MACROD2: variants seen among roughly 807,000 people sequenced by gnomAD.
The protein encoded by MACROD2 is ADP-ribose glycohydrolase MACROD2.
A neutral mutation model predicts 70.4 loss-of-function variants in MACROD2; 36 were observed. That is an observed-to-expected ratio of 0.51 (90% CI 0.39 to 0.68). The LOEUF is 0.68. Ranked by LOEUF, MACROD2 falls within the 30% of genes least tolerant of loss-of-function variation. The pLI is 0.00. For synonymous variants in MACROD2, 172 were observed against 178.8 expected (o/e 0.96, Z 0.30); for missense variants, 496 against 538.4 (o/e 0.92, Z 0.78).
chr20:15,514,151 A>G (rs2047536372), intron 8 of MACROD2, among the ~76,000 whole-genome samples: 2 of 152,260 alleles, frequency 1.3e-5, no homozygotes, highest in South Asian at 4.1e-4. Flanking sequence ...TAAAAAATAC[A>G]ATAAGTTAAA....
intron 7 of MACROD2, among the ~76,000 whole-genome samples, chr20:15,497,901 A>G (rs189386246): frequency 6.6e-6 from 1 of 152,210 alleles, no homozygotes; most frequent in African/African-American, 2.4e-5. Context: ...GAGGACAGGG[A>G]CTCATTAAAA....
intron 2 of MACROD2, among the ~76,000 whole-genome samples, chr20:14,017,122 T>C (rs1284654699): frequency 6.6e-6 from 1 of 152,146 alleles, no homozygotes; most frequent in Non-Finnish European, 1.5e-5. Flanking sequence ...AATTGAATTG[T>C]TTTCTTAATT....
intron 4 of MACROD2, among the ~76,000 whole-genome samples, chr20:14,649,185 T>G (rs1225274179): frequency 2.0e-5 from 3 of 152,180 alleles, no homozygotes; most frequent in Non-Finnish European, 4.4e-5. Flanking sequence ...GCCATTTGTG[T>G]TTCTGTATCC....
At chr20:15,849,706 CT>C in intron 8 of MACROD2, among the ~76,000 whole-genome samples, 1 of 152,198 alleles carries the variant, frequency 6.6e-6, no homozygotes, top group Non-Finnish European at 1.5e-5. Context: ...ACTTTTGTCT[CT>C]GAACCACCTC....
chr20:15,178,543 G>A (rs1171744714), intron 5 of MACROD2, among the ~76,000 whole-genome samples: 1 of 152,146 alleles, frequency 6.6e-6, no homozygotes, highest in East Asian at 1.9e-4. Flanking sequence ...GCTAGAGCTT[G>A]AGATCTACAG....
intron 5 of MACROD2, among the ~76,000 whole-genome samples, chr20:14,720,536 C>CTTTTT (rs753673265): frequency 0.021 from 753 of 35,932 alleles, 206 homozygotes; most frequent in East Asian, 0.078. Context: ...TGCCCCACAA[C>CTTTTT]TTTTTTTTTT....
intron 5 of MACROD2, among the ~76,000 whole-genome samples, chr20:14,955,118 AAC>A (rs558802552): frequency 2.4e-5 from 1 of 42,482 alleles, no homozygotes; most frequent in South Asian, 3.9e-4. Context: ...TATTATATAT[AAC>A]TTATATATTA....
At chr20:14,718,113 T>C (rs1361311742) in intron 5 of MACROD2, among the ~76,000 whole-genome samples, 2 of 151,524 alleles carry the variant, frequency 1.3e-5, no homozygotes, top group Non-Finnish European at 2.9e-5. Flanking sequence ...ACCAACATGG[T>C]GAAACCCCGT....
At position 15,322,697 on chromosome 20, in the gene MACROD2, A is replaced by G. The variant is rs1157043913; in HGVS notation, c.540+92636A>G. 1.4e-5 allele frequency among the ~76,000 whole-genome samples: 2 copies of G among 144,302 alleles called. 1 individual carries two copies. Among genetic ancestry groups the G allele is most frequent in the Non-Finnish European group, 3.1e-5 (2 of 63,762 alleles). 94.7% of individuals were successfully genotyped at this position (144,302 alleles called of 152,430 possible). The stretch of plus-strand genomic sequence containing the variant: ...TTTATACATATTTGTAGAGAGTATG[A>G]ATGACATTCTCCCTGAATTTGTCTT... On this transcript the variant is annotated intron_variant, in intron 6 of 17. Transcript: ENST00000684519.
chr20:15,855,705 T>C (rs1380516894), intron 8 of MACROD2, among the ~76,000 whole-genome samples: 1 of 152,212 alleles, frequency 6.6e-6, no homozygotes, highest in Admixed American at 6.5e-5. Context: ...AATTGTTACA[T>C]TAACTTCTAA....
chr20:14,368,180 G>A lies in MACROD2; in HGVS notation c.272-125299G>A, dbSNP rs1448778895. ...AAGTCCAAAGTGTATGCTCCCTCAA[G>A]TACAGTTTTTGTTAATTTCTTCTTT... On this transcript the variant is annotated intron_variant, in intron 3 of 17. Transcript: ENST00000684519. Among the ~76,000 whole-genome samples the A allele has an allele frequency of 3.3e-5, 5 of 152,058 alleles. No homozygotes were observed. The East Asian group carries it at 9.6e-4, about 29-fold the overall frequency.
intron 8 of MACROD2, among the ~76,000 whole-genome samples, chr20:15,743,277 TACTC>T (rs962357708): frequency 2.0e-5 from 3 of 152,128 alleles, no homozygotes; most frequent in African/African-American, 4.8e-5. Flanking sequence ...GTACCCCAAT[TACTC>T]ACCTCAAATG....
chr20:14,749,824 T>C (rs1415693601), intron 5 of MACROD2, among the ~76,000 whole-genome samples: 3 of 152,120 alleles, frequency 2.0e-5, no homozygotes, highest in Admixed American at 2.0e-4. Flanking sequence ...TACCTTGGGG[T>C]AAATTTTATT....
intron 5 of MACROD2, among the ~76,000 whole-genome samples, chr20:15,189,358 G>A (rs1568625157): frequency 1.3e-5 from 2 of 151,848 alleles, no homozygotes; most frequent in Non-Finnish European, 2.9e-5. Context: ...GTGTGTATGT[G>A]TATATGTATG....
intron 8 of MACROD2, among the ~76,000 whole-genome samples, chr20:15,737,445 T>G (rs2051039055): frequency 6.6e-6 from 1 of 152,218 alleles, no homozygotes; most frequent in African/African-American, 2.4e-5. Flanking sequence ...CACTGATGCG[T>G]GTGCCACATG....
intron 3 of MACROD2, among the ~76,000 whole-genome samples, chr20:14,236,350 C>A (rs559394786): frequency 6.6e-6 from 1 of 152,050 alleles, no homozygotes; most frequent in African/African-American, 2.4e-5. Context: ...GCTTTATGAG[C>A]TTTAGAATCA....
chr20:15,952,535 A>G (rs1178421544), intron 12 of MACROD2, among the ~76,000 whole-genome samples: 1 of 152,032 alleles, frequency 6.6e-6, no homozygotes, highest in Non-Finnish European at 1.5e-5. Context: ...ATCATCTAAT[A>G]CTGACATATA....
intron 2 of MACROD2, among the ~76,000 whole-genome samples, chr20:14,039,805 G>GTTT (rs11482552): frequency 6.9e-5 from 10 of 144,996 alleles, no homozygotes; most frequent in Non-Finnish European, 1.4e-4. Context: ...TTTGCCATCT[G>GTTT]TTTTTTTTTT....
intron 8 of MACROD2, among the ~76,000 whole-genome samples, chr20:15,651,790 C>G (rs556684270): frequency 1.3e-5 from 2 of 152,064 alleles, no homozygotes; most frequent in Non-Finnish European, 2.9e-5. Context: ...GGTCCCATCT[C>G]GATCTCTATA....
Sources: allele counts gnomAD v4.1 joint callset (sites outside exome capture counted in the v4.1 genomes callset), GRCh38; gene constraint gnomAD v4.1.1; transcripts MANE v1.5; gene names NCBI Gene and HGNC (gene_info 2026-07-23, HGNC 2026-07-21).